The following KIF16B variants were observed in gnomAD, a reference collection of about 807,000 sequenced individuals.
The protein encoded by KIF16B is kinesin-like protein KIF16B.
KIF16B carries 98 observed loss-of-function variants against 156.3 expected under a neutral mutation model. That is an observed-to-expected ratio of 0.63 (90% CI 0.53 to 0.74). KIF16B has a LOEUF of 0.74. Among genes scored for constraint, KIF16B ranks in the 30% least tolerant of loss-of-function variants. The pLI is 0.00. For missense variants in KIF16B, 1,421 were observed against 1,606.5 expected, an observed-to-expected ratio of 0.88 and a Z score of 1.97; for synonymous variants, 564 against 583.7, an observed-to-expected ratio of 0.97 and a Z score of 0.49.
At chr20:16,463,849 G>A (rs1480814491) in intron 12 of KIF16B, among the ~76,000 whole-genome samples, 1 of 152,166 alleles carries the variant, frequency 6.6e-6, no homozygotes, top group Non-Finnish European at 1.5e-5. Context: ...AGCATATAGA[G>A]TATTAAAAAT....
At chr20:16,406,295 A>G (rs758988302) in intron 16 of KIF16B, 79 bp downstream of exon 16, 27 of 1,229,930 alleles carry the variant, frequency 2.2e-5, no homozygotes, top group Non-Finnish European at 3.1e-5. Flanking sequence ...AAGTCAAAAG[A>G]TTGGAACCAG....
intron 24 of KIF16B, among the ~76,000 whole-genome samples, chr20:16,327,440 T>C (rs2328016): frequency 0.73 from 111,301 of 151,766 alleles, 41,733 homozygotes; most frequent in East Asian, 0.99. Context: ...TCCCAAACAT[T>C]TATTGAAATA....
chr20:16,451,981 T>C (rs1234029555), intron 12 of KIF16B, among the ~76,000 whole-genome samples: 1 of 152,130 alleles, frequency 6.6e-6, no homozygotes, highest in Non-Finnish European at 1.5e-5. Context: ...TTATGTTTAC[T>C]CAAATAACAT....
chr20:16,341,478 A>G (rs6080232), intron 23 of KIF16B, among the ~76,000 whole-genome samples: 1 of 152,212 alleles, frequency 6.6e-6, no homozygotes, highest in East Asian at 1.9e-4. Context: ...AACCCTGTGT[A>G]TATAATACGG....
chr20:16,455,379 T>C (rs964344941), intron 12 of KIF16B, among the ~76,000 whole-genome samples: 100 of 151,394 alleles, frequency 6.6e-4, no homozygotes, highest in African/African-American at 2.4e-3. Flanking sequence ...AAAAAAAAGT[T>C]ATAAAAAGAA....
chr20:16,518,059 G>A (rs541449471), intron 3 of KIF16B, among the ~76,000 whole-genome samples: 1 of 152,242 alleles, frequency 6.6e-6, no homozygotes, highest in East Asian at 1.9e-4. Flanking sequence ...GGGCTCAGGG[G>A]GTTTGGGGCC....
intron 22 of KIF16B, among the ~76,000 whole-genome samples, chr20:16,362,433 T>A (rs929762306): frequency 6.6e-6 from 1 of 152,174 alleles, no homozygotes; most frequent in Non-Finnish European, 1.5e-5. Flanking sequence ...TGTAAGGCAA[T>A]CCTTGAAAAC....
chr20:16,470,991 G>C (rs991310986), intron 12 of KIF16B, among the ~76,000 whole-genome samples: 1 of 152,010 alleles, frequency 6.6e-6, no homozygotes, highest in South Asian at 2.1e-4. Context: ...AGAAAACATA[G>C]GAGACAGGAA....
At chr20:16,349,434 G>A (rs911071786) in intron 23 of KIF16B, among the ~76,000 whole-genome samples, 2 of 152,212 alleles carry the variant, frequency 1.3e-5, no homozygotes, top group Non-Finnish European at 1.5e-5. Context: ...CTATGGCCAA[G>A]TGGAGGGCAC....
rs1481170194 is a variant in KIF16B at position 16,528,382 on chromosome 20, T to C, written c.106A>G (p.Thr36Ala). Reference sequence around the variant, plus strand: ...AGGTCATGACTTGCCTTTAAGTTTGTGATTGTCGTTTTGCTTTTCTCCATC... The same window carrying C: ...AGGTCATGACTTGCCTTTAAGTTTGCGATTGTCGTTTTGCTTTTCTCCATC... The part of the protein sequence containing the change: ...IQMEKSKTTI[T>A]NLKIPEGGTG... The change falls in exon 2 of 26, where the codon ACA becomes GCA. Residue 36 changes from threonine to alanine, a missense_variant. Physicochemically the swap from Thr to Ala is moderately conservative, Grantham distance 58. Coordinates refer to ENST00000354981, the MANE Select transcript of KIF16B (RefSeq NM_024704.5). 1 of 1,613,964 alleles carries C rather than the reference T, an allele frequency of 6.2e-7. No homozygotes were observed.
At chr20:16,368,133 C>A in intron 22 of KIF16B, 1 of 1,177,952 alleles carries the variant, frequency 8.5e-7, no homozygotes, top group Non-Finnish European at 1.1e-6. Context: ...AAGTCACATG[C>A]CTAAGAAGGT....
chr20:16,274,349 G>C (rs1011425961), intron 25 of KIF16B, among the ~76,000 whole-genome samples: 12 of 152,280 alleles, frequency 7.9e-5, no homozygotes, highest in African/African-American at 2.9e-4. Context: ...TGCCGTTTTT[G>C]GCACTGAGAA....
chr20:16,306,543 G>A (rs1335145159), intron 25 of KIF16B, among the ~76,000 whole-genome samples: 1 of 152,106 alleles, frequency 6.6e-6, no homozygotes, highest in Non-Finnish European at 1.5e-5. Context: ...AAGAGTTCCG[G>A]TATCTTCCAG....
At chr20:16,452,895 G>GA (rs200044246) in intron 12 of KIF16B, among the ~76,000 whole-genome samples, 207 of 147,710 alleles carry the variant, frequency 1.4e-3, no homozygotes, top group African/African-American at 4.7e-3. Context: ...GAAAAACGAA[G>GA]AAAAAAAAAT....
At chr20:16,313,674 A>G (rs1241874028) in intron 24 of KIF16B, among the ~76,000 whole-genome samples, 1 of 152,220 alleles carries the variant, frequency 6.6e-6, no homozygotes, top group Non-Finnish European at 1.5e-5. Context: ...TTCATGCAAA[A>G]GATGTCATAC....
In KIF16B at chr20:16,388,727, C is replaced by T. The variant is rs577121278; in HGVS notation, c.1785-6980G>A. On this transcript the variant is annotated intron_variant, in intron 17 of 25. Transcript: ENST00000354981. ...ATACTTCAATTAATCTTCCTGTTAT[C>T]ATCGGCAATAAAAAAATGAGGGGGT... is the stretch of plus-strand genomic sequence containing the variant. Among the ~76,000 whole-genome samples, 12 of 151,260 alleles carry T rather than the reference C, an allele frequency of 7.9e-5. 1 individual carries two copies. The South Asian group carries it at 2.5e-3, about 32-fold the overall frequency.
At chr20:16,445,965 G>GA (rs2066920456) in intron 12 of KIF16B, among the ~76,000 whole-genome samples, 1 of 152,016 alleles carries the variant, frequency 6.6e-6, no homozygotes, top group African/African-American at 2.4e-5. Context: ...ATTAAAATAT[G>GA]AAAAAATAAA....
chr20:16,329,211 G>A (rs1036237827), intron 24 of KIF16B, among the ~76,000 whole-genome samples: 5 of 152,142 alleles, frequency 3.3e-5, no homozygotes, highest in Non-Finnish European at 7.3e-5. Context: ...AAAAAGAGAT[G>A]TGGTTTTAAA....
intron 17 of KIF16B, among the ~76,000 whole-genome samples, chr20:16,397,703 C>T (rs1026254658): frequency 1.3e-5 from 2 of 152,214 alleles, no homozygotes; most frequent in Non-Finnish European, 2.9e-5. Flanking sequence ...ATACTCATGT[C>T]TACACAATAC....
Sources: gnomAD v4.1 joint callset for allele counts (sites outside exome capture counted in the v4.1 genomes callset) on GRCh38, gnomAD v4.1.1 for gene constraint, MANE v1.5 for transcripts, NCBI Gene and HGNC (gene_info 2026-07-23, HGNC 2026-07-21) for gene names.